DOCK1: variants seen among roughly 807,000 people sequenced by gnomAD.
DOCK1 encodes the protein dedicator of cytokinesis protein 1.
DOCK1 carries 138 observed loss-of-function variants against 262.7 expected under a neutral mutation model. The ratio of observed to expected loss-of-function variants is 0.53; its 90% CI spans 0.46 to 0.61. The LOEUF is 0.61. DOCK1 is among the 20% of genes least tolerant of loss of function. The pLI is 0.00. For missense variants in DOCK1, 1,908 were observed against 2,370.7 expected (o/e 0.80, Z 4.05); for synonymous variants, 866 against 867.4 (o/e 1.00, Z 0.03).
intron 48 of DOCK1, 60 bp from the exon 49 acceptor site, chr10:127,438,967 G>A (rs371462610): frequency 9.5e-6 from 14 of 1,466,016 alleles, no homozygotes; most frequent in East Asian, 7.5e-5. Flanking sequence ...GACTTTACAC[G>A]TGTCTGTGGG....
rs796208082 is a variant in DOCK1 at position 127,138,834 on chromosome 10, G to A, written c.2847+11070G>A. ...ATGTTATTTCTTACAGCATTTCTCC[G>A]AAAATTGCTGTCAACTTGTCTAGAG... On this transcript the variant is annotated intron_variant, in intron 27 of 51. Transcript: ENST00000623213. Among the ~76,000 whole-genome samples, 21 of 152,302 alleles carry A rather than the reference G, an allele frequency of 1.4e-4. 1 individual carries two copies. Among genetic ancestry groups the A allele is most frequent in the African/African-American group, 4.1e-4 (17 of 41,576 alleles).
chr10:127,031,735 C>T lies in DOCK1; in HGVS notation c.1710C>T (p.His570=), dbSNP rs779854565. 3.1e-6 allele frequency: 5 copies of T among 1,612,820 alleles called. No homozygotes were observed. Among genetic ancestry groups the T allele is most frequent in the South Asian group, 2.2e-5 (2 of 90,802 alleles). Residue 570 remains histidine (H), a synonymous_variant, in exon 17 of 52, where the codon CAC becomes CAT. Coordinates refer to ENST00000623213, the MANE Select transcript of DOCK1 (RefSeq NM_001290223.2). ...YDGTTLRDGE[H]DLIVYKAEAK... is the part of the protein sequence containing the mutation. ...GTACCACCCTGCGAGACGGAGAGCACGATCTTATCGTCTATAAGGTATCTG... is the reference window on the plus strand; with the variant it reads ...GTACCACCCTGCGAGACGGAGAGCATGATCTTATCGTCTATAAGGTATCTG...
chr10:127,265,669 G>A (rs903649168), intron 29 of DOCK1, among the ~76,000 whole-genome samples: 14 of 152,170 alleles, frequency 9.2e-5, no homozygotes, highest in African/African-American at 3.4e-4. Flanking sequence ...GAGGAAAATC[G>A]TCCATGCTTA....
In DOCK1 at chr10:127,061,717, C is replaced by A; in HGVS notation, c.2386C>A (p.Leu796Ile). The A allele has an allele frequency of 6.3e-7, 1 of 1,598,810 alleles. No homozygotes were observed. The highest frequency in any genetic ancestry group is 8.5e-7 in the Non-Finnish European group (1 of 1,172,634). ...TGACTTCGTGGAATCTTTGCTGCAG[C>A]TCTTCAGGTCCATCAATGACATGAT... ...EADFVESLLQ[L>I]FRSINDMMSS... Residue 796 changes from leucine to isoleucine, a missense_variant, in exon 23 of 52, where the codon CTC (leucine) becomes ATC (isoleucine). Leu to Ile is a conservative substitution (Grantham distance 5). Coordinates refer to ENST00000623213, the MANE Select transcript of DOCK1 (RefSeq NM_001290223.2).
At chr10:127,174,341 G>A (rs912686142) in intron 27 of DOCK1, among the ~76,000 whole-genome samples, 2 of 152,152 alleles carry the variant, frequency 1.3e-5, no homozygotes, top group South Asian at 2.1e-4. Context: ...GGCGAAGTCC[G>A]ATAACCCCCA....
chr10:127,151,585 C>G (rs961597504), intron 27 of DOCK1, among the ~76,000 whole-genome samples: 1 of 152,156 alleles, frequency 6.6e-6, no homozygotes. Context: ...TGCAGGCTAC[C>G]GAGGGCCACA....
intron 1 of DOCK1, among the ~76,000 whole-genome samples, chr10:126,949,109 T>C (rs995962374): frequency 3.9e-5 from 6 of 152,134 alleles, no homozygotes; most frequent in African/African-American, 1.4e-4. Context: ...AGGTGCATCC[T>C]GCCCTTGCTG....
chr10:127,351,040 G>A (rs2063854707), intron 31 of DOCK1, among the ~76,000 whole-genome samples: 1 of 152,158 alleles, frequency 6.6e-6, no homozygotes, highest in African/African-American at 2.4e-5. Flanking sequence ...TCAGGCTCAG[G>A]CTGGCCTTAC....
intron 29 of DOCK1, among the ~76,000 whole-genome samples, chr10:127,261,142 C>CATGTGG (rs1421743011): frequency 1.8e-5 from 1 of 54,226 alleles, no homozygotes; most frequent in Non-Finnish European, 3.5e-5. Context: ...CATGTGTGTG[C>CATGTGG]GTGTGTACCC....
chr10:127,378,784 A>G (rs1401953948), intron 35 of DOCK1, among the ~76,000 whole-genome samples: 2 of 152,246 alleles, frequency 1.3e-5, no homozygotes, highest in Admixed American at 6.5e-5. Context: ...CCTTTGATGC[A>G]GATTCTCTTT....
intron 46 of DOCK1, among the ~76,000 whole-genome samples, chr10:127,421,868 G>A (rs539935842): frequency 6.6e-6 from 1 of 152,286 alleles, no homozygotes; most frequent in Non-Finnish European, 1.5e-5. Flanking sequence ...TTTCTCCACG[G>A]ATCTGTCAAG....
At chr10:127,430,920 G>A (rs961106814) in intron 47 of DOCK1, among the ~76,000 whole-genome samples, 2 of 152,192 alleles carry the variant, frequency 1.3e-5, no homozygotes, top group South Asian at 4.1e-4. Flanking sequence ...CCAGAGGATC[G>A]CTCCTGGTCA....
chr10:126,983,649 GCT>G (rs1207759768), intron 4 of DOCK1, among the ~76,000 whole-genome samples: 1 of 152,004 alleles, frequency 6.6e-6, no homozygotes, highest in Non-Finnish European at 1.5e-5. Flanking sequence ...TCTTTTACAG[GCT>G]CTGTCTTTCT....
At chr10:127,293,501 C>T (rs1272079394) in intron 29 of DOCK1, among the ~76,000 whole-genome samples, 1 of 152,184 alleles carries the variant, frequency 6.6e-6, no homozygotes. Context: ...GACTGGTTTC[C>T]TGGTCCCTTC....
Position 127,015,345 on chromosome 10 carries a change from G to A in DOCK1, c.1201+2971G>A, listed in dbSNP as rs1051312506. Among the ~76,000 whole-genome samples the A allele has an allele frequency of 2.2e-4, 34 of 151,598 alleles. 1 individual carries two copies. Among genetic ancestry groups the A allele is most frequent in the Non-Finnish European group, 1.0e-4 (7 of 67,908 alleles). ...CCCAGCATCGGCCCTCTCCCTGAGC[G>A]CCCCCGCCCCCTCTGCCCCCGTCTC... On this transcript the variant is annotated intron_variant, in intron 12 of 51. Coordinates refer to ENST00000623213, the MANE Select transcript of DOCK1 (RefSeq NM_001290223.2).
chr10:127,055,499 G>T (rs992912485), intron 22 of DOCK1, among the ~76,000 whole-genome samples: 6 of 152,242 alleles, frequency 3.9e-5, no homozygotes, highest in African/African-American at 1.4e-4. Flanking sequence ...AAGGAAGCTG[G>T]AAAGGATTTT....
At chr10:127,261,850 G>C (rs1419882821) in intron 29 of DOCK1, among the ~76,000 whole-genome samples, 2 of 139,544 alleles carry the variant, frequency 1.4e-5, no homozygotes, top group Non-Finnish European at 3.0e-5. Flanking sequence ...GTGCGTGTGT[G>C]TACCTGCATG....
chr10:127,420,342 G>C (rs1370151108), intron 46 of DOCK1, among the ~76,000 whole-genome samples: 1 of 152,176 alleles, frequency 6.6e-6, no homozygotes, highest in African/African-American at 2.4e-5. Flanking sequence ...TGTCAGAACC[G>C]GACGGATGCA....
rs369798569 is a variant in DOCK1, at chr10:127,229,417, C to A, written c.2848-18591C>A. 2.0e-5 allele frequency among the ~76,000 whole-genome samples: 3 copies of A among 152,168 alleles called. No homozygotes were observed. In the East Asian group the frequency reaches 5.8e-4, roughly 29 times the overall value. ...CCCCCCGCTCTCCAGTCCTTGGTAA[C>A]CACAATTCTACTTTCTGCTTCTATG... On this transcript the variant is annotated intron_variant, in intron 27 of 51. Coordinates refer to ENST00000623213, the MANE Select transcript of DOCK1 (RefSeq NM_001290223.2).
Sources: allele counts gnomAD v4.1 joint callset (sites outside exome capture counted in the v4.1 genomes callset), GRCh38; gene constraint gnomAD v4.1.1; transcripts MANE v1.5; gene names NCBI Gene and HGNC (gene_info 2026-07-23, HGNC 2026-07-21).